RPS6KA5: variants seen among roughly 807,000 people sequenced by gnomAD.
RPS6KA5 encodes the protein ribosomal protein S6 kinase A5.
A neutral mutation model predicts 85.5 loss-of-function variants in RPS6KA5; 27 were observed. The ratio of observed to expected loss-of-function variants is 0.32; its 90% CI spans 0.23 to 0.44. RPS6KA5 has a LOEUF of 0.44. Ranked by LOEUF, RPS6KA5 falls within the 20% of genes least tolerant of loss-of-function variation. RPS6KA5 has a pLI of 1.00. For synonymous variants in RPS6KA5, 334 were observed against 348.2 expected, an observed-to-expected ratio of 0.96 and a Z score of 0.46; for missense variants, 811 against 980.9, an observed-to-expected ratio of 0.83 and a Z score of 2.31.
chr14:90,977,158 T>A (rs980274655), intron 3 of RPS6KA5, among the ~76,000 whole-genome samples: 3 of 152,354 alleles, frequency 2.0e-5, no homozygotes, highest in Admixed American at 6.5e-5. Context: ...GTGTAATGGC[T>A]GGCATACTGT....
rs1055771457 is a variant in RPS6KA5 at position 90,860,296 on chromosome 14, G to A, written c.*11778C>T. The A allele has an allele frequency of 3.3e-5, 5 of 152,232 alleles. No individual in the cohort carries two copies. The highest frequency in any genetic ancestry group is 7.3e-5 in the Non-Finnish European group (5 of 68,094). The allele number at this position is 152,232 out of a possible 1,614,324, so 9.4% of individuals were successfully genotyped here. ...CACCTGTAATCCCAGCACTTTGGGA[G>A]GCCGAGGTGGGCAGATCACTTGAGG... is the stretch of plus-strand genomic sequence containing the variant. On this transcript the variant is annotated 3_prime_UTR_variant, in exon 17 of 17. Coordinates refer to ENST00000614987, the MANE Select transcript of RPS6KA5 (RefSeq NM_004755.4).
intron 3 of RPS6KA5, among the ~76,000 whole-genome samples, chr14:90,948,466 G>A (rs1312459992): frequency 6.6e-6 from 1 of 152,138 alleles, no homozygotes; most frequent in African/African-American, 2.4e-5. Flanking sequence ...GGAGGCCGAG[G>A]CAGGCGGATC....
At chr14:90,894,277 G>C in intron 13 of RPS6KA5, 136 bp downstream of exon 13, 1 of 1,275,622 alleles carries the variant, frequency 7.8e-7, no homozygotes, top group Non-Finnish European at 9.9e-7. Context: ...TCAAAGAAAC[G>C]TATTTTCAAT....
At chr14:91,037,461 G>A (rs575050695) in intron 1 of RPS6KA5, among the ~76,000 whole-genome samples, 1 of 152,320 alleles carries the variant, frequency 6.6e-6, no homozygotes, top group East Asian at 1.9e-4. Context: ...AGGGAACATA[G>A]CTCCATGGAA....
chr14:90,917,393 A>G (rs1418316352), intron 7 of RPS6KA5, among the ~76,000 whole-genome samples: 1 of 152,118 alleles, frequency 6.6e-6, no homozygotes, highest in East Asian at 1.9e-4. Context: ...TAAAATTCCC[A>G]CATACAAAGT....
chr14:90,992,743 A>C (rs74485199), intron 2 of RPS6KA5, among the ~76,000 whole-genome samples: 2,731 of 152,298 alleles, frequency 0.018, 64 homozygotes, highest in African/African-American at 0.063. Context: ...AACTGTACTG[A>C]GTGTCTTCCC....
intron 3 of RPS6KA5, among the ~76,000 whole-genome samples, chr14:90,967,651 A>G (rs1223848014): frequency 9.9e-5 from 15 of 152,208 alleles, no homozygotes; most frequent in Admixed American, 9.8e-4. Context: ...CTGATATTTC[A>G]GTGCAATCCT....
chr14:91,033,002 G>A (rs1454797265), intron 1 of RPS6KA5, among the ~76,000 whole-genome samples: 7 of 151,642 alleles, frequency 4.6e-5, no homozygotes, highest in East Asian at 3.9e-4. Flanking sequence ...TGGCTAATAC[G>A]GTGAAACTCC....
At chr14:90,914,095 G>A (rs1201386682) in intron 7 of RPS6KA5, among the ~76,000 whole-genome samples, 6 of 152,180 alleles carry the variant, frequency 3.9e-5, no homozygotes, top group Non-Finnish European at 8.8e-5. Context: ...GTATGTATGA[G>A]GCTGACCTTT....
At chr14:91,006,085 G>C (rs1213117947) in intron 1 of RPS6KA5, among the ~76,000 whole-genome samples, 1 of 152,106 alleles carries the variant, frequency 6.6e-6, no homozygotes, top group Non-Finnish European at 1.5e-5. Flanking sequence ...GCATGCCTTT[G>C]CCCAACCCCC....
At chr14:90,947,660 C>T (rs1268553427) in intron 3 of RPS6KA5, 110 bp from the exon 4 acceptor site, 5 of 645,280 alleles carry the variant, frequency 7.7e-6, no homozygotes, top group East Asian at 2.8e-5. Flanking sequence ...TAATATATTG[C>T]TATATACAAT....
At chr14:90,879,376 G>A (rs77671963) in intron 14 of RPS6KA5, among the ~76,000 whole-genome samples, 3,744 of 152,346 alleles carry the variant, frequency 0.025, 61 homozygotes, top group Middle Eastern at 0.037. Flanking sequence ...CTGGTTGGCA[G>A]ATGGTTCACT....
chr14:91,044,584 A>C (rs942688521), intron 1 of RPS6KA5, among the ~76,000 whole-genome samples: 3 of 151,980 alleles, frequency 2.0e-5, no homozygotes, highest in Non-Finnish European at 2.9e-5. Context: ...TTAAAGATTG[A>C]AGACCCAGGC....
Position 91,001,130 on chromosome 14 carries a change from C to T in RPS6KA5, c.133G>A (p.Gly45Arg). ...TTCAGGAGCTCAAAATTTTCTATTC[C>T]CACCTTCTCAGCATGTCCTGTCAAA... The part of the protein sequence containing the change: ...ANLTGHAEKV[G>R]IENFELLKVL... Residue 45 changes from glycine to arginine, a missense_variant, in exon 2 of 17, where the codon GGA becomes AGA. This residue lies in a region of RPS6KA5 where 113 missense variants were observed against 100.0 expected (regional missense o/e 1.13). Transcript: ENST00000614987. 6.2e-7 allele frequency: 1 copy of T among 1,602,046 alleles called. No individual in the cohort carries two copies. The highest frequency in any genetic ancestry group is 8.5e-7 in the Non-Finnish European group (1 of 1,174,510).
Position 90,858,482 on chromosome 14 carries a change from G to A in RPS6KA5, c.*13592C>T, listed in dbSNP as rs944226996. The A allele has an allele frequency of 6.6e-6, 1 of 152,172 alleles. No individual in the cohort carries two copies. The highest frequency in any genetic ancestry group is 1.5e-5 in the Non-Finnish European group (1 of 68,040). 9.4% of individuals were successfully genotyped at this position (152,172 alleles called of 1,614,324 possible). On this transcript the variant is annotated 3_prime_UTR_variant, in exon 17 of 17. Coordinates refer to ENST00000614987, the MANE Select transcript of RPS6KA5 (RefSeq NM_004755.4). ...ACTACTAAGAACAGAATGCTATAAA[G>A]AGAACGATGTCCTTTTTTTCTGAAG... is the stretch of plus-strand genomic sequence containing the variant.
At chr14:90,975,402 C>A (rs2039517790) in intron 3 of RPS6KA5, among the ~76,000 whole-genome samples, 1 of 152,144 alleles carries the variant, frequency 6.6e-6, no homozygotes, top group Admixed American at 6.5e-5. Flanking sequence ...TAGAATGTGA[C>A]TGTAAATGGA....
chr14:90,935,509 A>C (rs1044421276), intron 5 of RPS6KA5, among the ~76,000 whole-genome samples: 1 of 152,218 alleles, frequency 6.6e-6, no homozygotes. Context: ...TGAAATTAAG[A>C]CTCAGAGAGG....
chr14:90,966,077 G>A (rs1319037930), intron 3 of RPS6KA5, among the ~76,000 whole-genome samples: 1 of 152,162 alleles, frequency 6.6e-6, no homozygotes, highest in Non-Finnish European at 1.5e-5. Context: ...ATCAATACTG[G>A]TACTAAAGTT....
intron 1 of RPS6KA5, among the ~76,000 whole-genome samples, chr14:91,056,865 A>ATTTTT (rs1595574839): frequency 3.6e-5 from 2 of 56,332 alleles, no homozygotes; most frequent in Admixed American, 2.1e-4. Context: ...AGGCAGTATT[A>ATTTTT]TCTTTTTTTT....
Sources: gnomAD v4.1 joint callset for allele counts (sites outside exome capture counted in the v4.1 genomes callset) on GRCh38, gnomAD v4.1.1 for gene constraint, gnomAD v4.1.1 regional missense constraint, MANE v1.5 for transcripts, NCBI Gene and HGNC (gene_info 2026-07-23, HGNC 2026-07-21) for gene names.